The following FZD3 variants were observed in gnomAD, a reference collection of about 807,000 sequenced individuals.
The protein encoded by FZD3 is frizzled class receptor 3.
A neutral mutation model predicts 60.7 loss-of-function variants in FZD3; 30 were observed. The ratio of observed to expected loss-of-function variants is 0.49; its 90% CI spans 0.37 to 0.67. FZD3 has a LOEUF of 0.67. FZD3 is among the 30% of genes least tolerant of loss of function. The pLI is 0.00. For missense variants in FZD3, 605 were observed against 838.7 expected (o/e 0.72, Z 3.44); for synonymous variants, 246 against 275.2 (o/e 0.89, Z 1.05).
chr8:28,559,297 A>G (rs868659373), intron 7 of FZD3, among the ~76,000 whole-genome samples: 5 of 152,350 alleles, frequency 3.3e-5, no homozygotes, highest in African/African-American at 7.2e-5. Context: ...AGACCTTGGG[A>G]AATATTCACA....
chr8:28,520,878 A>G lies in FZD3; in HGVS notation c.386+44A>G, dbSNP rs147828133. On this transcript the variant is annotated intron_variant, in intron 4 of 7. Transcript: ENST00000240093. ...TTCATGGATCATTTCTTATGTTGCAATATGTTTAAAAGTACTTGTCTTCTT... is the reference window on the plus strand; with the variant it reads ...TTCATGGATCATTTCTTATGTTGCAGTATGTTTAAAAGTACTTGTCTTCTT... 12 of 1,308,470 alleles carry G rather than the reference A, an allele frequency of 9.2e-6. No homozygotes were observed. The South Asian group carries it at 9.9e-5, about 11-fold the overall frequency. The allele number at this position is 1,308,470 out of a possible 1,614,324, so 81.1% of individuals were successfully genotyped here.
At position 28,563,628 on chromosome 8, in the gene FZD3, G is replaced by C. The variant is rs1341080496; in HGVS notation, c.*617G>C. 1 of 152,432 alleles carries C rather than the reference G, an allele frequency of 6.6e-6. No homozygotes were observed. The highest frequency in any genetic ancestry group is 1.5e-5 in the Non-Finnish European group (1 of 68,200). 9.4% of individuals were successfully genotyped at this position (152,432 alleles called of 1,614,324 possible). ...TCTATCGAAATAATCTTCATGCAGA[G>C]ATATTCAGGGTTTGGATTAGCAGTG... On this transcript the variant is annotated 3_prime_UTR_variant, in exon 8 of 8. Coordinates refer to ENST00000240093, the MANE Select transcript of FZD3 (RefSeq NM_017412.4).
chr8:28,555,068 A>G (rs1805484427), intron 6 of FZD3, among the ~76,000 whole-genome samples: 2 of 152,282 alleles, frequency 1.3e-5, no homozygotes, highest in Middle Eastern at 3.4e-3. Context: ...GTTCTTAACC[A>G]TAATTTTTCC....
rs867731800 is a variant in FZD3 at position 28,564,875 on chromosome 8, G to A, written c.*1864G>A. On this transcript the variant is annotated 3_prime_UTR_variant, in exon 8 of 8. Transcript: ENST00000240093. ...GTAAATGAAGATAGAAGATAAATAC[G>A]TACTCTACCTACCTCACAAAGCTGT... 1 of 152,092 alleles carries A rather than the reference G, an allele frequency of 6.6e-6. No individual in the cohort carries two copies. The highest frequency in any genetic ancestry group is 1.5e-5 in the Non-Finnish European group (1 of 68,012). The allele number at this position is 152,092 out of a possible 1,614,324, so 9.4% of individuals were successfully genotyped here. A position where few individuals can be genotyped will look rare whatever the true frequency, so the allele number is the denominator to read the frequency against.
chr8:28,497,827 G>A (rs1803882645), intron 1 of FZD3, among the ~76,000 whole-genome samples: 1 of 152,068 alleles, frequency 6.6e-6, no homozygotes, highest in Non-Finnish European at 1.5e-5. Context: ...CCTCTTCACA[G>A]TTGCCACCTC....
At chr8:28,517,554 G>A (rs1326288879) in intron 3 of FZD3, among the ~76,000 whole-genome samples, 1 of 152,104 alleles carries the variant, frequency 6.6e-6, no homozygotes, top group East Asian at 1.9e-4. Context: ...TTTTGAGATT[G>A]CATTTACATG....
rs1253733095 is a variant in FZD3, at chr8:28,527,780, A to G, written c.1020A>G (p.Gly340=). 1 of 1,614,158 alleles carries G rather than the reference A, an allele frequency of 6.2e-7. No homozygotes were observed. The highest frequency in any genetic ancestry group is 1.3e-5 in the African/African-American group (1 of 75,042). The stretch of plus-strand genomic sequence containing the variant: ...ACGCCAGTGCATGGGGCATCCCCGG[A>G]ACTCTAACCATCATCCTTTTAGCGA... ...LFHASAWGIP[G]TLTIILLAMN... The change falls in exon 5 of 8, where the codon GGA becomes GGG. Residue 340 remains glycine, a synonymous_variant. Transcript: ENST00000240093. This position sits in a 1 kb window ranked among gnomAD's most constrained non-coding sequence, Gnocchi z 5.0.
intron 5 of FZD3, among the ~76,000 whole-genome samples, chr8:28,531,794 A>C (rs1320236371): frequency 6.6e-6 from 1 of 151,826 alleles, no homozygotes; most frequent in Non-Finnish European, 1.5e-5. Flanking sequence ...TTTGCTTTTT[A>C]CTGTTTAAAT....
chr8:28,495,271 C>T (rs1803813789), intron 1 of FZD3, among the ~76,000 whole-genome samples: 1 of 152,186 alleles, frequency 6.6e-6, no homozygotes, highest in Non-Finnish European at 1.5e-5. Context: ...GAGAGACTGG[C>T]TCCATGAAGG....
chr8:28,516,082 A>G (rs1463812819), intron 3 of FZD3, among the ~76,000 whole-genome samples: 7 of 152,308 alleles, frequency 4.6e-5, no homozygotes, highest in East Asian at 3.9e-4. Context: ...ATTTTTGTAT[A>G]TAAGGTAAGG....
intron 6 of FZD3, among the ~76,000 whole-genome samples, chr8:28,554,878 A>G (rs1805478663): frequency 6.6e-6 from 1 of 152,110 alleles, no homozygotes; most frequent in Non-Finnish European, 1.5e-5. Flanking sequence ...TATTTTTGAA[A>G]TGAAATTGAT....
chr8:28,503,839 G>A (rs936927671), intron 3 of FZD3, among the ~76,000 whole-genome samples: 2 of 152,098 alleles, frequency 1.3e-5, no homozygotes, highest in South Asian at 2.1e-4. Context: ...CCACTTTCTA[G>A]CTGTATACTT....
Position 28,555,948 on chromosome 8 carries a change from C to T in FZD3, c.1764C>T (p.Ser588=). 1 of 1,611,898 alleles carries T rather than the reference C, an allele frequency of 6.2e-7. No homozygotes were observed. Among genetic ancestry groups the T allele is most frequent in the Non-Finnish European group, 8.5e-7 (1 of 1,178,066 alleles). Residue 588 remains serine (S), a synonymous_variant, in exon 7 of 8, where the codon AGC becomes AGT. Transcript: ENST00000240093. ...GCAAAGTGAGCAGCTACCACGGCAG[C>T]CTCCACAGATCACGTGATGGCAGGT... ...IHSKVSSYHG[S]LHRSRDGRYT...
intron 3 of FZD3, among the ~76,000 whole-genome samples, chr8:28,504,637 A>G (rs1213542006): frequency 6.6e-6 from 1 of 152,222 alleles, no homozygotes; most frequent in Non-Finnish European, 1.5e-5. Context: ...AGGCAGTATA[A>G]TGATACACCT....
At position 28,572,259 on chromosome 8, in the gene FZD3, A is replaced by G. The variant is rs541006753; in HGVS notation, c.*9248A>G. The G allele has an allele frequency of 6.6e-6, 1 of 152,304 alleles. No homozygotes were observed. Among genetic ancestry groups the G allele is most frequent in the East Asian group, 1.9e-4 (1 of 5,194 alleles). The allele number at this position is 152,304 out of a possible 1,614,324, so 9.4% of individuals were successfully genotyped here. A position where few individuals can be genotyped will look rare whatever the true frequency, so the allele number is the denominator to read the frequency against. ...CTGGTTTTATTGGTCAAAAATGATC[A>G]GATGCTAGCAATTTCATAATAGATA... On this transcript the variant is annotated 3_prime_UTR_variant, in exon 8 of 8. Transcript: ENST00000240093.
chr8:28,526,839 A>G (rs1804725539), intron 4 of FZD3, among the ~76,000 whole-genome samples: 1 of 152,202 alleles, frequency 6.6e-6, no homozygotes, highest in Non-Finnish European at 1.5e-5. Context: ...CAAAAAAATT[A>G]AAGATGAAGG....
At chr8:28,504,743 A>G (rs923089239) in intron 3 of FZD3, among the ~76,000 whole-genome samples, 18 of 152,248 alleles carry the variant, frequency 1.2e-4, no homozygotes, top group Non-Finnish European at 1.3e-4. Context: ...TCTACTCCAA[A>G]TTCCATTTCT....
intron 5 of FZD3, among the ~76,000 whole-genome samples, chr8:28,539,342 A>T (rs536325988): frequency 6.6e-6 from 1 of 152,322 alleles, no homozygotes; most frequent in African/African-American, 2.4e-5. Context: ...CCACTGATCT[A>T]TAATACTGCC....
chr8:28,514,143 T>C (rs755809692), intron 3 of FZD3, among the ~76,000 whole-genome samples: 7 of 152,196 alleles, frequency 4.6e-5, no homozygotes, highest in Non-Finnish European at 7.3e-5. Flanking sequence ...AAAAGTATTA[T>C]GGTTTAGGGA....
Sources: allele counts gnomAD v4.1 joint callset (sites outside exome capture counted in the v4.1 genomes callset), GRCh38; gene constraint gnomAD v4.1.1; non-coding constraint Gnocchi (gnomAD v3.1); transcripts MANE v1.5; gene names NCBI Gene and HGNC (gene_info 2026-07-23, HGNC 2026-07-21).